The following ITGA9 variants were observed in gnomAD, a reference collection of about 807,000 sequenced individuals.
ITGA9 encodes the protein integrin subunit alpha 9.
ITGA9 carries 56 observed loss-of-function variants against 127.8 expected under a neutral mutation model. That is an observed-to-expected ratio of 0.44 (90% CI 0.35 to 0.55). The LOEUF (loss-of-function observed/expected upper bound fraction) is 0.55. Among genes scored for constraint, ITGA9 ranks in the 20% least tolerant of loss-of-function variants. ITGA9 has a pLI of 0.00. For missense variants in ITGA9, 1,196 were observed against 1,347.1 expected, an observed-to-expected ratio of 0.89 and a Z score of 1.76; for synonymous variants, 508 against 514.5, an observed-to-expected ratio of 0.99 and a Z score of 0.17.
At chr3:37,542,183 T>C (rs1225068565) in intron 14 of ITGA9, among the ~76,000 whole-genome samples, 1 of 152,040 alleles carries the variant, frequency 6.6e-6, no homozygotes, top group African/African-American at 2.4e-5. Context: ...GGGAGAGCCG[T>C]GAAGTATGAC....
At chr3:37,489,447 G>T (rs1368039613) in intron 4 of ITGA9, among the ~76,000 whole-genome samples, 1 of 152,152 alleles carries the variant, frequency 6.6e-6, no homozygotes. Flanking sequence ...AGAGTTATTA[G>T]GCATTCCCTA....
intron 19 of ITGA9, among the ~76,000 whole-genome samples, chr3:37,735,680 T>C (rs1241183211): frequency 6.6e-6 from 1 of 152,198 alleles, no homozygotes; most frequent in Non-Finnish European, 1.5e-5. Context: ...TACCCAAGGG[T>C]TCCTCCCACA....
intron 17 of ITGA9, among the ~76,000 whole-genome samples, chr3:37,670,876 A>C (rs912212234): frequency 6.6e-6 from 1 of 152,208 alleles, no homozygotes; most frequent in Non-Finnish European, 1.5e-5. Context: ...GAAACAGAAA[A>C]GTTATGGCCA....
intron 15 of ITGA9, among the ~76,000 whole-genome samples, chr3:37,601,500 T>C (rs1407784495): frequency 6.6e-6 from 1 of 152,196 alleles, no homozygotes; most frequent in Non-Finnish European, 1.5e-5. Flanking sequence ...TGTTAAACAC[T>C]CCATGAACTG....
At chr3:37,817,293 A>G (rs1697447161) in intron 27 of ITGA9, among the ~76,000 whole-genome samples, 1 of 152,214 alleles carries the variant, frequency 6.6e-6, no homozygotes, top group African/African-American at 2.4e-5. Context: ...TGACTTGGGA[A>G]TTGCAAGCTG....
chr3:37,786,022 G>A (rs900927296), intron 26 of ITGA9, among the ~76,000 whole-genome samples: 4 of 151,542 alleles, frequency 2.6e-5, no homozygotes, highest in South Asian at 2.1e-4. Context: ...GGGGGGTTGA[G>A]GGGGGTTGAG....
At chr3:37,620,403 C>G (rs1031769596) in intron 15 of ITGA9, among the ~76,000 whole-genome samples, 1 of 152,164 alleles carries the variant, frequency 6.6e-6, no homozygotes, top group Non-Finnish European at 1.5e-5. Context: ...ACAGACCTTT[C>G]TCAGGTGGCG....
chr3:37,481,461 T>C, intron 3 of ITGA9, 23 bp from the exon 4 acceptor site: 1 of 1,614,186 alleles, frequency 6.2e-7, no homozygotes, highest in Middle Eastern at 1.6e-4. Flanking sequence ...TTTCCTGCTC[T>C]CAACTGCTCT....
rs192488128 is a variant in ITGA9 at position 37,558,525 on chromosome 3, C to G, written c.1689+15940C>G. Among the ~76,000 whole-genome samples the G allele has an allele frequency of 2.6e-4, 40 of 152,298 alleles. 1 individual carries two copies. In the South Asian group the frequency reaches 7.3e-3, roughly 28 times the overall value. On this transcript the variant is annotated intron_variant, in intron 15 of 27. Coordinates refer to ENST00000264741, the MANE Select transcript of ITGA9 (RefSeq NM_002207.3). ...CATCAGTGATGTAGTGTCCTATGTACAGGTGTGCCTGGGACAGTCCTGGTT... is the reference window on the plus strand; with the variant it reads ...CATCAGTGATGTAGTGTCCTATGTAGAGGTGTGCCTGGGACAGTCCTGGTT...
chr3:37,592,894 C>G (rs1699834320), intron 15 of ITGA9, among the ~76,000 whole-genome samples: 1 of 152,180 alleles, frequency 6.6e-6, no homozygotes, highest in Admixed American at 6.5e-5. Flanking sequence ...ACTTGAGTCC[C>G]TTCTGCCAAC....
At chr3:37,778,703 G>C (rs1230920719) in intron 24 of ITGA9, among the ~76,000 whole-genome samples, 2 of 150,376 alleles carry the variant, frequency 1.3e-5, no homozygotes, top group Non-Finnish European at 2.9e-5. Context: ...AAAAAGTGCA[G>C]GTATTGAAGA....
chr3:37,473,288 C>G (rs1698456032), intron 2 of ITGA9, 66 bp from the exon 3 acceptor site: 1 of 1,267,982 alleles, frequency 7.9e-7, no homozygotes, highest in African/African-American at 1.5e-5. Context: ...TGTGGACCAC[C>G]CTTTGAAAGC....
At chr3:37,477,304 C>T (rs1308899017) in intron 3 of ITGA9, among the ~76,000 whole-genome samples, 4 of 152,104 alleles carry the variant, frequency 2.6e-5, no homozygotes, top group African/African-American at 7.2e-5. Context: ...GAGAGGTGGG[C>T]TAGCTCTTTT....
intron 1 of ITGA9, among the ~76,000 whole-genome samples, chr3:37,465,015 C>G (rs941026589): frequency 6.6e-6 from 1 of 152,348 alleles, no homozygotes; most frequent in Admixed American, 6.5e-5. Context: ...GTAACCAAAA[C>G]GTGGGTCCCT....
At chr3:37,695,382 C>T (rs1451790144) in intron 18 of ITGA9, among the ~76,000 whole-genome samples, 1 of 152,196 alleles carries the variant, frequency 6.6e-6, no homozygotes, top group Non-Finnish European at 1.5e-5. Flanking sequence ...CAACTGGTTT[C>T]CTTCTTGTTC....
intron 14 of ITGA9, among the ~76,000 whole-genome samples, chr3:37,538,156 G>A (rs917002799): frequency 6.6e-6 from 1 of 152,240 alleles, no homozygotes; most frequent in Non-Finnish European, 1.5e-5. Flanking sequence ...TTTGCACTCT[G>A]ACCCAGTGCT....
chr3:37,750,621 T>G (rs1696572058), intron 23 of ITGA9, 52 bp downstream of exon 23: 1 of 1,289,386 alleles, frequency 7.8e-7, no homozygotes, highest in East Asian at 2.3e-5. Context: ...GCCAGCCCAT[T>G]CAAATTTTGT....
chr3:37,542,680 C>A, intron 15 of ITGA9, 95 bp downstream of exon 15: 1 of 1,329,550 alleles, frequency 7.5e-7, no homozygotes. Flanking sequence ...ATTATGTGTG[C>A]TCTTCCAAAA....
At chr3:37,734,135 C>G (rs193035352) in intron 19 of ITGA9, among the ~76,000 whole-genome samples, 90 of 152,328 alleles carry the variant, frequency 5.9e-4, no homozygotes, top group African/African-American at 2.1e-3. Flanking sequence ...GGATTTTTTT[C>G]TGCCTCTCTT....
Sources: allele counts gnomAD v4.1 joint callset (sites outside exome capture counted in the v4.1 genomes callset), GRCh38; gene constraint gnomAD v4.1.1; transcripts MANE v1.5; gene names NCBI Gene and HGNC (gene_info 2026-07-23, HGNC 2026-07-21).